Variants in ZFHX3 observed in about 807,000 individuals in gnomAD.
ZFHX3 encodes the protein zinc finger homeobox protein 3.
ZFHX3 carries 42 observed loss-of-function variants against 279.1 expected under a neutral mutation model. That is an observed-to-expected ratio of 0.15 (90% confidence interval 0.12 to 0.19). The LOEUF (loss-of-function observed/expected upper bound fraction) is 0.19, where lower values mean the gene tolerates loss of function less well. Ranked by LOEUF, ZFHX3 falls within the 10% of genes least tolerant of loss-of-function variation. The pLI is 1.00. For missense variants in ZFHX3, 4,981 were observed against 4,754.0 expected (o/e 1.05, Z -1.40); for synonymous variants, 2,293 against 1,957.8 (o/e 1.17, Z -4.52).
chr16:73,121,201 A>C (rs1442403262), intron 7 of ZFHX3, among the ~76,000 whole-genome samples: 1 of 152,218 alleles, frequency 6.6e-6, no homozygotes, highest in Non-Finnish European at 1.5e-5. Flanking sequence ...TTTTACTTTA[A>C]CAATTGAAAA....
At chr16:73,734,442 T>A (rs1054412484) in intron 1 of ZFHX3, among the ~76,000 whole-genome samples, 5 of 152,206 alleles carry the variant, frequency 3.3e-5, no homozygotes, top group Admixed American at 3.3e-4. Context: ...ATTTTCTGAG[T>A]TTTATCTCAT....
intron 5 of ZFHX3, among the ~76,000 whole-genome samples, chr16:73,214,487 T>A (rs372945320): frequency 3.9e-5 from 6 of 152,290 alleles, no homozygotes; most frequent in African/African-American, 1.4e-4. Flanking sequence ...CCAGACTAGA[T>A]GCATCAGAGC....
chr16:72,951,263 T>C (rs536113833), intron 2 of ZFHX3, among the ~76,000 whole-genome samples: 50 of 152,128 alleles, frequency 3.3e-4, no homozygotes, highest in Non-Finnish European at 2.6e-4. Context: ...TATTTCCTTT[T>C]CTTTTTTTTT....
At chr16:73,181,090 GTTTTGT>G (rs780420507) in intron 5 of ZFHX3, among the ~76,000 whole-genome samples, 5,321 of 137,462 alleles carry the variant, frequency 0.039, 103 homozygotes, top group African/African-American at 0.056. Context: ...TGTTTGTTTT[GTTTTGT>G]TTTGTTTTGT....
At chr16:73,844,924 T>G (rs187619658) in intron 1 of ZFHX3, among the ~76,000 whole-genome samples, 157 of 151,996 alleles carry the variant, frequency 1.0e-3, no homozygotes, top group African/African-American at 3.6e-3. Context: ...GCCCTCCAAC[T>G]CTAAAAATGG....
intron 5 of ZFHX3, among the ~76,000 whole-genome samples, chr16:72,824,798 T>C (rs1387244159): frequency 1.3e-5 from 2 of 152,250 alleles, no homozygotes; most frequent in African/African-American, 4.8e-5. Context: ...ACTGCATTAA[T>C]CATTGCTCAG....
intron 6 of ZFHX3, among the ~76,000 whole-genome samples, chr16:73,135,505 T>C (rs2041049705): frequency 6.6e-6 from 1 of 152,218 alleles, no homozygotes; most frequent in African/African-American, 2.4e-5. Flanking sequence ...AATTATCCAT[T>C]CCAAGCTTTC....
chr16:73,248,645 A>ATGTGTGTGTGTGTGTG lies in ZFHX3; in HGVS notation c.-1104+8386_-1104+8401dup, dbSNP rs145260850. 8.3e-3 allele frequency among the ~76,000 whole-genome samples: 1,242 copies of ATGTGTGTGTGTGTGTG among 149,104 alleles called. 12 individuals are homozygous for ATGTGTGTGTGTGTGTG. The highest frequency in any genetic ancestry group is 0.027 in the East Asian group (134 of 4,992). ...CTACGTGCCTGTATGTGGAGAATGTATGTGTGTGTGTGTGTGTGTGCACGT... is the reference window on the plus strand; with the variant it reads ...CTACGTGCCTGTATGTGGAGAATGTATGTGTGTGTGTGTGTGTGTGTGTGTGTGTGTGTGTGCACGT... On this transcript the variant is annotated intron_variant, in intron 5 of 17. Coordinates refer to the ZFHX3 transcript ENST00000641206.
chr16:73,782,131 T>C (rs1567408905), intron 1 of ZFHX3, among the ~76,000 whole-genome samples: 1 of 152,220 alleles, frequency 6.6e-6, no homozygotes, highest in Non-Finnish European at 1.5e-5. Flanking sequence ...AATGGTGCTT[T>C]AGATGCTCAG....
chr16:73,220,168 A>G (rs751937345), intron 5 of ZFHX3, among the ~76,000 whole-genome samples: 4 of 152,162 alleles, frequency 2.6e-5, no homozygotes, highest in Non-Finnish European at 5.9e-5. Flanking sequence ...AAAGATGGCA[A>G]CAATAGACGC....
chr16:72,797,081 G>T lies in ZFHX3; in HGVS notation c.5601C>A (p.Leu1867=), dbSNP rs201513033. Reference sequence around the variant, plus strand: ...TTTCGGGGTGCTGGCTTGGCTGAAGGAGGGCAGAGTGACTCTGGGCTATAG... The same window carrying T: ...TTTCGGGGTGCTGGCTTGGCTGAAGTAGGGCAGAGTGACTCTGGGCTATAG... ...QLSIAQSHSA[L]LQPSQHPEKK... Residue 1867 remains leucine, a synonymous_variant, in exon 9 of 10, where the codon CTC becomes CTA. Transcript: ENST00000268489. 5.6e-6 allele frequency: 9 copies of T among 1,613,898 alleles called. No homozygotes were observed. The African/African-American group carries it at 1.2e-4, about 22-fold the overall frequency.
intron 3 of ZFHX3, among the ~76,000 whole-genome samples, chr16:73,434,864 C>T (rs1567483212): frequency 6.6e-6 from 1 of 152,200 alleles, no homozygotes; most frequent in South Asian, 2.1e-4. Flanking sequence ...GCCGTCCAGT[C>T]AGTGGCCGGC....
rs2036702494 is a variant in ZFHX3 at position 72,819,113 on chromosome 16, G to A, written c.3530-7075C>T. Among the ~76,000 whole-genome samples the A allele has an allele frequency of 2.6e-5, 4 of 152,244 alleles. No homozygotes were observed. The South Asian group carries it at 8.3e-4, about 32-fold the overall frequency. On this transcript the variant is annotated intron_variant, in intron 5 of 9. Coordinates refer to ENST00000268489, the MANE Select transcript of ZFHX3 (RefSeq NM_006885.4). ...GAAGTCTCAAGAACAGCATAGAGAG[G>A]ACCCATGTACACTTCACCCAGGTGT...
intron 1 of ZFHX3, among the ~76,000 whole-genome samples, chr16:73,811,231 AC>A (rs1252017623): frequency 9.2e-5 from 14 of 152,124 alleles, no homozygotes; most frequent in Admixed American, 6.6e-5. Flanking sequence ...AGTTTTTGAG[AC>A]CACAGCTAGC....
intron 1 of ZFHX3, among the ~76,000 whole-genome samples, chr16:73,747,036 G>T (rs2053710818): frequency 6.6e-6 from 1 of 152,154 alleles, no homozygotes; most frequent in Admixed American, 6.5e-5. Flanking sequence ...TTTCACAAAT[G>T]AGTTTGTCCA....
intron 4 of ZFHX3, among the ~76,000 whole-genome samples, chr16:73,259,810 CATT>C (rs955322555): frequency 1.1e-4 from 16 of 152,148 alleles, no homozygotes; most frequent in African/African-American, 3.4e-4. Flanking sequence ...TATGCACACG[CATT>C]ATTTTTCCAA....
Position 72,960,183 on chromosome 16 carries a change from G to T in ZFHX3, c.-38C>A. On this transcript the variant is annotated 5_prime_UTR_variant, in exon 2 of 10. Coordinates refer to ENST00000268489, the MANE Select transcript of ZFHX3 (RefSeq NM_006885.4). ...GTGGAGCTTTCATTGCACCCAGTAC[G>T]GAGGCTCGGACCTGAAGGGCAGAGG... 2 of 1,513,750 alleles carry T rather than the reference G, an allele frequency of 1.3e-6. No homozygotes were observed. Among genetic ancestry groups the T allele is most frequent in the Non-Finnish European group, 1.8e-6 (2 of 1,129,240 alleles). The allele number at this position is 1,513,750 out of a possible 1,614,324, so 93.8% of individuals were successfully genotyped here.
chr16:72,948,150 G>T (rs74368856), intron 3 of ZFHX3, among the ~76,000 whole-genome samples: 9 of 152,166 alleles, frequency 5.9e-5, no homozygotes, highest in Non-Finnish European at 1.0e-4. Context: ...GGCGAAGCCC[G>T]GGCAGGCACA....
At chr16:73,017,266 G>A (rs756559799) in intron 1 of ZFHX3, among the ~76,000 whole-genome samples, 1 of 151,110 alleles carries the variant, frequency 6.6e-6, no homozygotes, top group Non-Finnish European at 1.5e-5. Flanking sequence ...AGATATCAAA[G>A]GCTGAGTGGG....
Sources: gnomAD v4.1 joint callset for allele counts (sites outside exome capture counted in the v4.1 genomes callset) on GRCh38, gnomAD v4.1.1 for gene constraint, MANE v1.5 for transcripts, NCBI Gene and HGNC (gene_info 2026-07-23, HGNC 2026-07-21) for gene names.